Variants in CPNE3 observed in about 807,000 individuals in gnomAD.
The protein encoded by CPNE3 is copine-3.
CPNE3 carries 68 observed loss-of-function variants against 63.9 expected under a neutral mutation model. That is an observed-to-expected ratio of 1.06 (90% CI 0.87 to 1.30). The LOEUF is 1.30. CPNE3 is among the 50% of genes most tolerant of loss of function. The pLI, the probability that CPNE3 is intolerant of heterozygous loss-of-function variation, is 0.00. For synonymous variants in CPNE3, 219 were observed against 197.5 expected (o/e 1.11, Z -0.91); for missense variants, 665 against 578.1 (o/e 1.15, Z -1.54).
rs201254916 is a variant in CPNE3, at chr8:86,517,524, CTT to C, written c.-11+2026_-11+2027del. Among the ~76,000 whole-genome samples the C allele has an allele frequency of 1.3e-3, 194 of 152,272 alleles. 2 individuals are homozygous for C. The East Asian group carries it at 0.024, about 19-fold the overall frequency. On this transcript the variant is annotated intron_variant, in intron 2 of 16. Coordinates refer to ENST00000517490, the MANE Select transcript of CPNE3 (RefSeq NM_003909.5). Reference sequence around the variant, plus strand: ...ACCTGCAACTGTAAAGAGGAACTTACTTATCTGTCCACATTTTCATGTTTATG... The same window carrying C: ...ACCTGCAACTGTAAAGAGGAACTTACATCTGTCCACATTTTCATGTTTATG...
At chr8:86,543,712 T>C (rs1820991946) in intron 8 of CPNE3, among the ~76,000 whole-genome samples, 1 of 152,156 alleles carries the variant, frequency 6.6e-6, no homozygotes, top group Admixed American at 6.5e-5. Context: ...ATGGGCATCA[T>C]AGTAACAGGA....
chr8:86,558,910 A>C lies in CPNE3; in HGVS notation c.*500A>C, dbSNP rs1406519894. 6.4e-6 allele frequency: 1 copy of C among 155,124 alleles called. No individual in the cohort carries two copies. Among genetic ancestry groups the C allele is most frequent in the African/African-American group, 2.4e-5 (1 of 41,486 alleles). The allele number at this position is 155,124 out of a possible 1,614,324, so 9.6% of individuals were successfully genotyped here. A position where few individuals can be genotyped will look rare whatever the true frequency, so the allele number is the denominator to read the frequency against. On this transcript the variant is annotated 3_prime_UTR_variant, in exon 17 of 17. Transcript: ENST00000517490. ...GTATACAGTGCTTTTCTGCAAGGTA[A>C]AAATAACCTGTCTATGCATCTGATT...
At chr8:86,548,257 TC>T in intron 11 of CPNE3, 43 bp from the exon 12 acceptor site, 1 of 1,607,186 alleles carries the variant, frequency 6.2e-7, no homozygotes, top group Non-Finnish European at 8.5e-7. Flanking sequence ...AGCACAGGTG[TC>T]CCTGCCTTCT....
intron 7 of CPNE3, among the ~76,000 whole-genome samples, 168 bp from the exon 8 acceptor site, chr8:86,540,077 A>G (rs1459176170): frequency 6.6e-6 from 1 of 152,196 alleles, no homozygotes; most frequent in African/African-American, 2.4e-5. Context: ...TTTTTCATGT[A>G]GCAGTTGTAT....
chr8:86,554,009 C>T (rs1352080118), intron 14 of CPNE3: 3 of 152,160 alleles, frequency 2.0e-5, no homozygotes, highest in Non-Finnish European at 4.4e-5. Context: ...ATTTCTTGCT[C>T]ATTTTACATG....
intron 6 of CPNE3, among the ~76,000 whole-genome samples, chr8:86,534,621 A>G (rs1346694721): frequency 1.3e-5 from 2 of 152,222 alleles, no homozygotes; most frequent in Non-Finnish European, 2.9e-5. Context: ...ATGCCACTGC[A>G]TTCCAGCTTG....
chr8:86,548,816 A>G (rs954564486), intron 12 of CPNE3, among the ~76,000 whole-genome samples: 3 of 152,052 alleles, frequency 2.0e-5, no homozygotes, highest in Admixed American at 6.6e-5. Context: ...GTTTATAAAT[A>G]CTAAATATTA....
Position 86,548,431 on chromosome 8 carries a change from A to G in CPNE3, c.1010A>G (p.Asp337Gly). The change falls in exon 12 of 17, where the codon GAT (aspartate) becomes GGT (glycine). Residue 337 changes from aspartate (D) to glycine (G), a missense_variant. By Grantham distance (94) the Asp-to-Gly change is moderately conservative. Coordinates refer to ENST00000517490, the MANE Select transcript of CPNE3 (RefSeq NM_003909.5). The part of the protein sequence containing the change: ...WSVGLVIQDY[D>G]ADKMFPAFGF... ...GTGGGACTGGTCATTCAAGATTATG[A>G]TGCGTGAGTATGACTTTGGAAAAAC... The G allele has an allele frequency of 6.2e-7, 1 of 1,613,766 alleles. No homozygotes were observed. The highest frequency in any genetic ancestry group is 2.2e-5 in the East Asian group (1 of 44,880).
chr8:86,549,296 T>C (rs1821121808), intron 12 of CPNE3, among the ~76,000 whole-genome samples: 1 of 152,202 alleles, frequency 6.6e-6, no homozygotes, highest in Admixed American at 6.5e-5. Context: ...TTAAATATAT[T>C]TAACATATAT....
intron 10 of CPNE3, chr8:86,547,443 A>T (rs1428845246): frequency 3.0e-6 from 1 of 329,218 alleles, no homozygotes; most frequent in African/African-American, 2.2e-5. Flanking sequence ...TGGATTCATT[A>T]CTAATATCTT....
intron 4 of CPNE3, among the ~76,000 whole-genome samples, chr8:86,529,880 A>G: frequency 6.6e-6 from 1 of 152,094 alleles, no homozygotes; most frequent in Non-Finnish European, 1.5e-5. Context: ...TTCAAGGTTG[A>G]ATTGTTTGGA....
Position 86,553,025 on chromosome 8 carries a change from G to A in CPNE3, c.1120+1791G>A, listed in dbSNP as rs57447576. ...ATTACAGGCGCCTGCCACCACGCTC[G>A]GCTAATTTTTGTATTTTTAGTAAAG... On this transcript the variant is annotated intron_variant, in intron 14 of 16. Coordinates refer to ENST00000517490, the MANE Select transcript of CPNE3 (RefSeq NM_003909.5). Among the ~76,000 whole-genome samples, 15 of 125,636 alleles carry A rather than the reference G, an allele frequency of 1.2e-4. 1 individual carries two copies. Among genetic ancestry groups the A allele is most frequent in the South Asian group, 5.3e-4 (2 of 3,742 alleles). The allele number at this position is 125,636 out of a possible 152,430, so 82.4% of individuals were successfully genotyped here.
intron 2 of CPNE3, among the ~76,000 whole-genome samples, chr8:86,520,027 T>C (rs919652601): frequency 1.3e-5 from 2 of 152,038 alleles, no homozygotes; most frequent in African/African-American, 2.4e-5. Flanking sequence ...TATAGCTTTT[T>C]TGATAGAGAT....
intron 7 of CPNE3, among the ~76,000 whole-genome samples, chr8:86,538,404 A>T (rs1820854460): frequency 6.6e-6 from 1 of 152,198 alleles, no homozygotes; most frequent in Non-Finnish European, 1.5e-5. Flanking sequence ...ATGCTACAGC[A>T]GGTAGTTTAA....
intron 5 of CPNE3, among the ~76,000 whole-genome samples, chr8:86,531,962 G>A (rs10087877): frequency 1 from 152,266 of 152,336 alleles, 76,098 homozygotes; most frequent in Non-Finnish European, 1. Context: ...CTGTTTTGCT[G>A]TAGTTTAAAT....
In CPNE3 at chr8:86,540,560, C is replaced by G. The variant is rs144636280; in HGVS notation, c.633+226C>G. Among the ~76,000 whole-genome samples the G allele has an allele frequency of 3.3e-5, 5 of 152,198 alleles. No homozygotes were observed. The East Asian group carries it at 9.7e-4, about 29-fold the overall frequency. On this transcript the variant is annotated intron_variant, in intron 8 of 16. Transcript: ENST00000517490. Reference sequence around the variant, plus strand: ...TCTGTTGACCTAATGCTTAGTCAAACAGTGTCGTTTCTATTTTATTCTGTA... The same window carrying G: ...TCTGTTGACCTAATGCTTAGTCAAAGAGTGTCGTTTCTATTTTATTCTGTA...
intron 7 of CPNE3, among the ~76,000 whole-genome samples, chr8:86,539,186 A>G (rs1820872147): frequency 6.6e-6 from 1 of 152,186 alleles, no homozygotes; most frequent in Non-Finnish European, 1.5e-5. Context: ...GCTCAGATTC[A>G]TCCATGTTTG....
At chr8:86,552,207 G>A (rs867046212) in intron 14 of CPNE3, among the ~76,000 whole-genome samples, 1 of 152,192 alleles carries the variant, frequency 6.6e-6, no homozygotes, top group Non-Finnish European at 1.5e-5. Context: ...AGAAGAAAAT[G>A]TTTTTTCCTT....
chr8:86,526,104 C>G (rs1820535765), intron 2 of CPNE3, among the ~76,000 whole-genome samples: 2 of 152,240 alleles, frequency 1.3e-5, no homozygotes, highest in African/African-American at 4.8e-5. Context: ...TGGCGGGCAC[C>G]TGAAATCCCA....
Sources: allele counts gnomAD v4.1 joint callset (sites outside exome capture counted in the v4.1 genomes callset), GRCh38; gene constraint gnomAD v4.1.1; transcripts MANE v1.5; gene names NCBI Gene and HGNC (gene_info 2026-07-23, HGNC 2026-07-21).